DPYD: variants seen among roughly 807,000 people sequenced by gnomAD.
DPYD encodes dihydropyrimidine dehydrogenase.
Under a neutral mutation model 116.2 loss-of-function variants are expected in DPYD, and 109 were observed. That is an observed-to-expected ratio of 0.94 (90% CI 0.80 to 1.10). The LOEUF is 1.10. Among genes scored for constraint, DPYD ranks in the 50% least tolerant of loss-of-function variants. The probability of loss-of-function intolerance (pLI) is 0.00; values close to 1 mark genes in which losing one functional copy is unlikely to be tolerated. For missense variants in DPYD, 1,302 were observed against 1,254.5 expected (o/e 1.04, Z -0.57); for synonymous variants, 440 against 432.0 (o/e 1.02, Z -0.23).
At chr1:97,623,816 A>G (rs1376410839) in intron 8 of DPYD, among the ~76,000 whole-genome samples, 1 of 152,072 alleles carries the variant, frequency 6.6e-6, no homozygotes, top group Admixed American at 6.6e-5. Flanking sequence ...TAGAGCATCC[A>G]GAAATAAACC....
Position 97,288,159 on chromosome 1 carries a change from A to G in DPYD, c.2299+17100T>C, listed in dbSNP as rs1484261078. On this transcript the variant is annotated intron_variant, in intron 18 of 22. Transcript: ENST00000370192. ...AACTATCCTAAATATATATGCACCC[A>G]GTACAGGAGCACCCAGATTCATAAA... Among the ~76,000 whole-genome samples the G allele has an allele frequency of 2.0e-5, 3 of 151,554 alleles. No individual in the cohort carries two copies. In the Admixed American group the frequency reaches 2.0e-4, roughly 10 times the overall value.
intron 3 of DPYD, among the ~76,000 whole-genome samples, chr1:97,825,797 G>A (rs1412081808): frequency 2.0e-5 from 3 of 151,910 alleles, no homozygotes; most frequent in Non-Finnish European, 2.9e-5. Flanking sequence ...AAAGAAAAAC[G>A]GATGGTCCCA....
At chr1:97,513,642 A>G (rs1360844211) in intron 13 of DPYD, among the ~76,000 whole-genome samples, 3 of 151,824 alleles carry the variant, frequency 2.0e-5, no homozygotes, top group Non-Finnish European at 4.4e-5. Context: ...CTATAATGTC[A>G]CCGAAATGTA....
intron 12 of DPYD, among the ~76,000 whole-genome samples, chr1:97,525,724 C>A (rs781108378): frequency 7.0e-6 from 1 of 143,238 alleles, no homozygotes; most frequent in Admixed American, 7.3e-5. Flanking sequence ...CAAGAGCCAT[C>A]TAGTGGGAAG....
chr1:97,546,699 A>C, intron 12 of DPYD: 3 of 1,613,054 alleles, frequency 1.9e-6, no homozygotes, highest in Middle Eastern at 1.8e-4. Flanking sequence ...TGTGTACACT[A>C]AAAGATACAG....
intron 16 of DPYD, among the ~76,000 whole-genome samples, chr1:97,343,174 G>C (rs924605079): frequency 2.0e-5 from 3 of 152,080 alleles, no homozygotes; most frequent in African/African-American, 7.2e-5. Flanking sequence ...GTTTGAATGT[G>C]ACAGATCAGT....
intron 14 of DPYD, among the ~76,000 whole-genome samples, chr1:97,410,291 G>A (rs1262737592): frequency 6.6e-6 from 1 of 152,088 alleles, no homozygotes; most frequent in Admixed American, 6.6e-5. Flanking sequence ...AATACTTGTG[G>A]AATGAATAAT....
At chr1:97,291,537 A>C (rs12727629) in intron 18 of DPYD, among the ~76,000 whole-genome samples, 3 of 152,164 alleles carry the variant, frequency 2.0e-5, no homozygotes, top group Non-Finnish European at 4.4e-5. Context: ...GTCCTTTGTA[A>C]GGAAATGGAT....
chr1:97,626,516 C>T (rs1216276975), intron 8 of DPYD, among the ~76,000 whole-genome samples: 4 of 152,022 alleles, frequency 2.6e-5, no homozygotes, highest in Admixed American at 1.3e-4. Context: ...GAGGCAAGCT[C>T]CTCTGCCTAA....
chr1:97,399,997 T>C (rs1673274384), intron 14 of DPYD, among the ~76,000 whole-genome samples: 1 of 151,990 alleles, frequency 6.6e-6, no homozygotes, highest in Non-Finnish European at 1.5e-5. Context: ...TGAATAGGAG[T>C]GGTGAGAGAG....
chr1:97,598,484 T>C (rs1468461049), intron 8 of DPYD, among the ~76,000 whole-genome samples: 1 of 152,202 alleles, frequency 6.6e-6, no homozygotes, highest in Non-Finnish European at 1.5e-5. Context: ...GGAGGCCGGA[T>C]AGTTTGTTTC....
intron 1 of DPYD, among the ~76,000 whole-genome samples, chr1:97,887,494 A>T (rs886458410): frequency 8.4e-6 from 1 of 119,370 alleles, no homozygotes; most frequent in African/African-American, 3.0e-5. Context: ...AAAAAAAAAA[A>T]AGTATATCCA....
intron 12 of DPYD, among the ~76,000 whole-genome samples, chr1:97,518,510 A>G (rs1276596679): frequency 1.3e-5 from 2 of 152,060 alleles, no homozygotes; most frequent in Non-Finnish European, 2.9e-5. Context: ...TTCAGCTCCC[A>G]TCACAAGGTT....
chr1:97,174,963 AATC>A (rs1419991960), intron 20 of DPYD, among the ~76,000 whole-genome samples: 6 of 152,130 alleles, frequency 3.9e-5, no homozygotes, highest in Non-Finnish European at 8.8e-5. Flanking sequence ...ACATAAATGA[AATC>A]ATTTGGTAAC....
intron 2 of DPYD, among the ~76,000 whole-genome samples, chr1:97,836,807 A>G (rs1476744329): frequency 6.6e-6 from 1 of 152,078 alleles, no homozygotes; most frequent in Non-Finnish European, 1.5e-5. Flanking sequence ...GTCTCAATAA[A>G]TAGTGCCTAA....
intron 8 of DPYD, among the ~76,000 whole-genome samples, chr1:97,617,807 G>C (rs1348208626): frequency 6.6e-6 from 1 of 152,172 alleles, no homozygotes; most frequent in Non-Finnish European, 1.5e-5. Flanking sequence ...CTGAGTCAGA[G>C]ATGGATGCAC....
chr1:97,233,547 C>G (rs752695400), intron 19 of DPYD, among the ~76,000 whole-genome samples: 2 of 151,966 alleles, frequency 1.3e-5, no homozygotes, highest in African/African-American at 4.8e-5. Flanking sequence ...AATATTTATC[C>G]GTGGTGTTGG....
intron 20 of DPYD, among the ~76,000 whole-genome samples, chr1:97,184,775 G>GTAT (rs1255954144): frequency 6.6e-6 from 1 of 152,004 alleles, no homozygotes; most frequent in Non-Finnish European, 1.5e-5. Flanking sequence ...TTTTAATAGT[G>GTAT]TATTTATAGG....
intron 2 of DPYD, among the ~76,000 whole-genome samples, chr1:97,829,022 G>T (rs1162437539): frequency 6.6e-6 from 1 of 151,066 alleles, no homozygotes; most frequent in Non-Finnish European, 1.5e-5. Context: ...AGGTTTTGAG[G>T]GCATAAATTG....
Sources: allele counts gnomAD v4.1 joint callset (sites outside exome capture counted in the v4.1 genomes callset), GRCh38; gene constraint gnomAD v4.1.1; transcripts MANE v1.5; gene names NCBI Gene and HGNC (gene_info 2026-07-23, HGNC 2026-07-21).